Variants in PRKG1 observed in about 807,000 individuals in gnomAD.
PRKG1 encodes cGMP-dependent protein kinase 1.
A neutral mutation model predicts 88.1 loss-of-function variants in PRKG1; 35 were observed. The ratio of observed to expected loss-of-function variants is 0.40; its 90% CI spans 0.30 to 0.53. PRKG1 has a LOEUF of 0.53. PRKG1 is among the 20% of genes least tolerant of loss of function. The pLI is 0.59. For missense variants in PRKG1, 540 were observed against 839.8 expected, an observed-to-expected ratio of 0.64 and a Z score of 4.41; for synonymous variants, 303 against 292.5, an observed-to-expected ratio of 1.04 and a Z score of -0.37.
At chr10:51,633,298 T>C (rs926535385) in intron 3 of PRKG1, among the ~76,000 whole-genome samples, 1 of 152,174 alleles carries the variant, frequency 6.6e-6, no homozygotes, top group Non-Finnish European at 1.5e-5. Flanking sequence ...AAAAATAGAT[T>C]AGTAATATTG....
chr10:51,917,565 G>T (rs764387325), intron 5 of PRKG1, among the ~76,000 whole-genome samples: 1 of 152,052 alleles, frequency 6.6e-6, no homozygotes, highest in Non-Finnish European at 1.5e-5. Flanking sequence ...GTACTTGGGG[G>T]TCTCATTTGA....
At chr10:51,673,501 A>T (rs1217611854) in intron 3 of PRKG1, among the ~76,000 whole-genome samples, 1 of 152,138 alleles carries the variant, frequency 6.6e-6, no homozygotes, top group African/African-American at 2.4e-5. Flanking sequence ...AGTTTCAGTA[A>T]GGGGAAAATC....
At chr10:52,009,848 A>G (rs4935303) in intron 5 of PRKG1, among the ~76,000 whole-genome samples, 15,989 of 152,200 alleles carry the variant, frequency 0.11, 971 homozygotes, top group South Asian at 0.14. Flanking sequence ...AACAGAGTAG[A>G]CAGCACAGAA....
At chr10:51,046,168 G>A (rs1055379446) in intron 1 of PRKG1, among the ~76,000 whole-genome samples, 2 of 152,180 alleles carry the variant, frequency 1.3e-5, no homozygotes, top group Non-Finnish European at 2.9e-5. Context: ...AGGAACCTTG[G>A]TTGAATTAAC....
chr10:51,649,300 T>G (rs1839984948), intron 3 of PRKG1, among the ~76,000 whole-genome samples: 1 of 152,166 alleles, frequency 6.6e-6, no homozygotes, highest in Non-Finnish European at 1.5e-5. Context: ...AATCACTAGA[T>G]AGTAGTATAT....
chr10:51,410,270 A>ATATGTGTG (rs1554805784), intron 2 of PRKG1, among the ~76,000 whole-genome samples: 14 of 146,798 alleles, frequency 9.5e-5, no homozygotes, highest in African/African-American at 3.1e-4. Flanking sequence ...ATATATATAT[A>ATATGTGTG]TGTGTGTGTG....
At chr10:52,004,618 A>G (rs1240261969) in intron 5 of PRKG1, among the ~76,000 whole-genome samples, 5 of 152,146 alleles carry the variant, frequency 3.3e-5, no homozygotes, top group African/African-American at 1.2e-4. Flanking sequence ...GGAATGTCAT[A>G]TTTGGGACTG....
intron 10 of PRKG1, among the ~76,000 whole-genome samples, chr10:52,256,636 C>T (rs916053306): frequency 7.2e-6 from 1 of 139,606 alleles, no homozygotes; most frequent in Non-Finnish European, 1.6e-5. Flanking sequence ...ATTATTAAAG[C>T]ATGCTAATGA....
chr10:51,966,375 T>C (rs894759503), intron 5 of PRKG1, among the ~76,000 whole-genome samples: 1 of 152,182 alleles, frequency 6.6e-6, no homozygotes, highest in Non-Finnish European at 1.5e-5. Flanking sequence ...CTTTCTTACA[T>C]ATGAATTCAA....
At chr10:51,570,279 C>A (rs1268408271) in intron 3 of PRKG1, among the ~76,000 whole-genome samples, 1 of 151,548 alleles carries the variant, frequency 6.6e-6, no homozygotes, top group Non-Finnish European at 1.5e-5. Context: ...TGAGGGGAAA[C>A]CTTACCTATG....
At chr10:51,188,049 G>A (rs1188710389) in intron 2 of PRKG1, among the ~76,000 whole-genome samples, 1 of 151,944 alleles carries the variant, frequency 6.6e-6, no homozygotes, top group African/African-American at 2.4e-5. Flanking sequence ...CAATGTGAAT[G>A]GAAAATTAGG....
chr10:51,048,586 C>T (rs1390372792), intron 1 of PRKG1, among the ~76,000 whole-genome samples: 1 of 152,134 alleles, frequency 6.6e-6, no homozygotes, highest in Admixed American at 6.5e-5. Context: ...TGGTATTAAG[C>T]TTCATGTGGA....
Position 52,028,074 on chromosome 10 carries a change from C to A in PRKG1, c.763-26410C>A, listed in dbSNP as rs146245535. ...AAAGTTCTGGGATTACAGGCATGAGCCACTGCGCCCAGCCCGTCTATATTT... is the reference window on the plus strand; with the variant it reads ...AAAGTTCTGGGATTACAGGCATGAGACACTGCGCCCAGCCCGTCTATATTT... On this transcript the variant is annotated intron_variant, in intron 5 of 17. Coordinates refer to ENST00000373980, the MANE Select transcript of PRKG1 (RefSeq NM_006258.4). Among the ~76,000 whole-genome samples the A allele has an allele frequency of 8.2e-3, 1,252 of 152,308 alleles. 13 individuals are homozygous for A. Among genetic ancestry groups the A allele is most frequent in the African/African-American group, 0.027 (1,141 of 41,552 alleles).
chr10:51,468,915 T>C (rs921478869), intron 3 of PRKG1, among the ~76,000 whole-genome samples: 1 of 152,028 alleles, frequency 6.6e-6, no homozygotes, highest in East Asian at 1.9e-4. Context: ...ATACATCTTA[T>C]TAGTGAAATC....
chr10:52,114,279 T>C (rs1054292543), intron 7 of PRKG1, among the ~76,000 whole-genome samples: 8 of 152,032 alleles, frequency 5.3e-5, no homozygotes, highest in African/African-American at 1.9e-4. Flanking sequence ...TAGGTTCAAA[T>C]CTAGATCTGC....
intron 2 of PRKG1, among the ~76,000 whole-genome samples, chr10:51,303,095 G>C (rs1012213688): frequency 1.3e-5 from 2 of 152,072 alleles, no homozygotes; most frequent in African/African-American, 2.4e-5. Context: ...AGATTGGTCT[G>C]TTTGCAAATA....
At chr10:51,180,804 C>G (rs892941047) in intron 2 of PRKG1, among the ~76,000 whole-genome samples, 1 of 152,132 alleles carries the variant, frequency 6.6e-6, no homozygotes, top group Non-Finnish European at 1.5e-5. Context: ...GCAAATAGCT[C>G]TTTCCTATAT....
At chr10:51,554,168 GTA>G (rs1186407401) in intron 3 of PRKG1, among the ~76,000 whole-genome samples, 1 of 147,352 alleles carries the variant, frequency 6.8e-6, no homozygotes, top group Non-Finnish European at 1.5e-5. Context: ...TTATATGTGC[GTA>G]TGTGATATGT....
chr10:51,514,740 G>A (rs1841528628), intron 3 of PRKG1, among the ~76,000 whole-genome samples: 1 of 152,202 alleles, frequency 6.6e-6, no homozygotes, highest in South Asian at 2.1e-4. Flanking sequence ...GTTTCAGGAA[G>A]AGATGGTCAA....
Sources: allele counts gnomAD v4.1 joint callset (sites outside exome capture counted in the v4.1 genomes callset), GRCh38; gene constraint gnomAD v4.1.1; transcripts MANE v1.5; gene names NCBI Gene and HGNC (gene_info 2026-07-23, HGNC 2026-07-21).